EFNA5: variants seen among roughly 807,000 people sequenced by gnomAD.
The protein encoded by EFNA5 is ephrin-A5.
Under a neutral mutation model 22.9 loss-of-function variants are expected in EFNA5, and 5 were observed. The ratio of observed to expected loss-of-function variants is 0.22; its 90% confidence interval spans 0.11 to 0.46. The LOEUF is 0.46. Among genes scored for constraint, EFNA5 ranks in the 20% least tolerant of loss-of-function variants. EFNA5 has a pLI of 0.99. For missense variants in EFNA5, 237 were observed against 293.3 expected, an observed-to-expected ratio of 0.81 and a Z score of 1.40; for synonymous variants, 113 against 112.2, an observed-to-expected ratio of 1.01 and a Z score of -0.04.
chr5:107,506,968 T>C (rs1004666061), intron 1 of EFNA5, among the ~76,000 whole-genome samples: 5 of 152,176 alleles, frequency 3.3e-5, no homozygotes, highest in African/African-American at 1.2e-4. Context: ...AATACAGAAA[T>C]AATGCATCAT....
At chr5:107,478,883 A>G (rs1750380404) in intron 1 of EFNA5, among the ~76,000 whole-genome samples, 1 of 152,170 alleles carries the variant, frequency 6.6e-6, no homozygotes, top group African/African-American at 2.4e-5. Context: ...AAGTTTTTAT[A>G]CTTCTCTAAG....
At chr5:107,450,285 T>C (rs777856955) in intron 1 of EFNA5, among the ~76,000 whole-genome samples, 18 of 152,126 alleles carry the variant, frequency 1.2e-4, no homozygotes, top group Non-Finnish European at 2.4e-4. Context: ...AAGGCAAAGT[T>C]TTTTTGCTCC....
chr5:107,557,043 C>T (rs1223887020), intron 1 of EFNA5, among the ~76,000 whole-genome samples: 1 of 152,152 alleles, frequency 6.6e-6, no homozygotes, highest in African/African-American at 2.4e-5. Context: ...AATTAAACGG[C>T]TGTTTGGGCC....
chr5:107,603,706 A>G (rs1430607923), intron 1 of EFNA5, among the ~76,000 whole-genome samples: 7 of 152,240 alleles, frequency 4.6e-5, no homozygotes, highest in African/African-American at 1.7e-4. Flanking sequence ...AGTGGAAACA[A>G]GCTACAGACA....
intron 1 of EFNA5, among the ~76,000 whole-genome samples, chr5:107,527,218 T>C (rs917283520): frequency 6.6e-6 from 1 of 152,140 alleles, no homozygotes; most frequent in Admixed American, 6.6e-5. Flanking sequence ...AATATAATCA[T>C]ATAAGTAGAT....
chr5:107,536,202 G>T (rs962419703), intron 1 of EFNA5, among the ~76,000 whole-genome samples: 2 of 152,172 alleles, frequency 1.3e-5, no homozygotes, highest in Admixed American at 1.3e-4. Context: ...AAGCAGCTAA[G>T]TTTAATAATA....
intron 1 of EFNA5, among the ~76,000 whole-genome samples, chr5:107,563,133 C>A (rs1345335373): frequency 6.6e-6 from 1 of 152,196 alleles, no homozygotes. Flanking sequence ...TAAATAACTC[C>A]TTTGCAAAGA....
intron 2 of EFNA5, among the ~76,000 whole-genome samples, chr5:107,404,294 C>T (rs1276079391): frequency 1.3e-5 from 2 of 152,098 alleles, no homozygotes; most frequent in African/African-American, 4.8e-5. Flanking sequence ...AATAACAAGA[C>T]ATATATTTTT....
At chr5:107,385,316 T>TA (rs765489358) in intron 4 of EFNA5, among the ~76,000 whole-genome samples, 26 of 152,180 alleles carry the variant, frequency 1.7e-4, no homozygotes, top group Non-Finnish European at 3.2e-4. Flanking sequence ...GCCTCTTCAT[T>TA]ACCAGAGAAA....
chr5:107,578,481 A>G (rs906032113), intron 1 of EFNA5, among the ~76,000 whole-genome samples: 4 of 152,222 alleles, frequency 2.6e-5, no homozygotes, highest in African/African-American at 9.6e-5. Flanking sequence ...AGTTCTAATC[A>G]GTAGAGGAAA....
intron 1 of EFNA5, among the ~76,000 whole-genome samples, chr5:107,602,953 AAAG>A (rs1461066612): frequency 6.6e-6 from 1 of 152,200 alleles, no homozygotes; most frequent in Non-Finnish European, 1.5e-5. Flanking sequence ...GAAAAATCAT[AAAG>A]AAGTCAGGCT....
Position 107,427,346 on chromosome 5 carries a change from A to G in EFNA5, c.289T>C (p.Phe97Leu). Residue 97 changes from phenylalanine to leucine, a missense_variant, in exon 2 of 5, where the codon TTC becomes CTC. This residue lies in a region of EFNA5 where 120 missense variants were observed against 140.5 expected (regional missense o/e 0.85). Transcript: ENST00000333274. ...YSACDHTSKG[F>L]KRWECNRPHS... is the part of the protein sequence containing the mutation. ...GGCCGGTTACATTCCCATCTCTTGA[A>G]CCCTTTGGAAGTGTGGTCGCAGGCA... 1 of 1,613,960 alleles carries G rather than the reference A, an allele frequency of 6.2e-7. No homozygotes were observed. Among genetic ancestry groups the G allele is most frequent in the Non-Finnish European group, 8.5e-7 (1 of 1,179,960 alleles).
chr5:107,572,257 T>C lies in EFNA5; in HGVS notation c.125+98232A>G, dbSNP rs145697223. Among the ~76,000 whole-genome samples the C allele has an allele frequency of 6.1e-3, 931 of 152,046 alleles. 5 individuals carry two copies. The highest frequency in any genetic ancestry group is 9.2e-3 in the Non-Finnish European group (624 of 68,008). Reference sequence around the variant, plus strand: ...GCGCCAGACAGCCCTCGGAGCTCTCTGGTTTAGACCGGGGGAAGGAGAAAG... The same window carrying C: ...GCGCCAGACAGCCCTCGGAGCTCTCCGGTTTAGACCGGGGGAAGGAGAAAG... On this transcript the variant is annotated intron_variant, in intron 1 of 4. Transcript: ENST00000333274.
chr5:107,576,651 T>C (rs1362766497), intron 1 of EFNA5, among the ~76,000 whole-genome samples: 1 of 152,214 alleles, frequency 6.6e-6, no homozygotes, highest in Non-Finnish European at 1.5e-5. Flanking sequence ...TCCAGCATGT[T>C]GGAGCAGACT....
At chr5:107,591,482 T>A (rs1461996880) in intron 1 of EFNA5, among the ~76,000 whole-genome samples, 1 of 151,908 alleles carries the variant, frequency 6.6e-6, no homozygotes, top group Non-Finnish European at 1.5e-5. Flanking sequence ...ATGTATGAGA[T>A]CCCCTCATAT....
chr5:107,419,024 C>T (rs1236056210), intron 2 of EFNA5, among the ~76,000 whole-genome samples: 1 of 152,172 alleles, frequency 6.6e-6, no homozygotes, highest in Non-Finnish European at 1.5e-5. Flanking sequence ...TTGCCTCCTC[C>T]ACCTTTGATT....
intron 1 of EFNA5, among the ~76,000 whole-genome samples, chr5:107,659,961 T>C (rs1750911407): frequency 6.6e-6 from 1 of 151,906 alleles, no homozygotes; most frequent in Admixed American, 6.6e-5. Context: ...CCAATAGGTA[T>C]GTCTGACCTT....
At chr5:107,527,420 C>G (rs1024407581) in intron 1 of EFNA5, among the ~76,000 whole-genome samples, 13 of 151,590 alleles carry the variant, frequency 8.6e-5, no homozygotes, top group Non-Finnish European at 1.6e-4. Flanking sequence ...CCGAGTAGCT[C>G]GGACTACAGG....
intron 1 of EFNA5, among the ~76,000 whole-genome samples, chr5:107,522,287 A>T (rs374266113): frequency 1.3e-4 from 20 of 152,318 alleles, no homozygotes; most frequent in East Asian, 1.2e-3. Context: ...TTTGTGATAC[A>T]AGGAAATGTG....
Sources: allele counts gnomAD v4.1 joint callset (sites outside exome capture counted in the v4.1 genomes callset), GRCh38; gene constraint gnomAD v4.1.1; regional missense constraint gnomAD v4.1.1; transcripts MANE v1.5; gene names NCBI Gene and HGNC (gene_info 2026-07-23, HGNC 2026-07-21).